Variants in ELK3 observed in about 807,000 individuals in gnomAD.
ELK3 encodes ETS domain-containing protein Elk-3.
In ELK3, 10 loss-of-function variants were observed where a neutral mutation model predicts 28.9. The ratio of observed to expected loss-of-function variants is 0.35; its 90% CI spans 0.21 to 0.59. ELK3 has a LOEUF of 0.59. Among genes scored for constraint, ELK3 ranks in the 20% least tolerant of loss-of-function variants. The probability of loss-of-function intolerance (pLI) is 0.82; values close to 1 mark genes in which losing one functional copy is unlikely to be tolerated. For synonymous variants in ELK3, 272 were observed against 243.5 expected (o/e 1.12, Z -1.09); for missense variants, 463 against 517.3 (o/e 0.90, Z 1.02).
chr12:96,248,028 A>G (rs1951872788), intron 3 of ELK3, among the ~76,000 whole-genome samples: 1 of 152,210 alleles, frequency 6.6e-6, no homozygotes, highest in Non-Finnish European at 1.5e-5. Context: ...AGATCTCACC[A>G]GCGATTTCCA....
chr12:96,196,864 T>G (rs959057761), intron 1 of ELK3, among the ~76,000 whole-genome samples: 3 of 151,932 alleles, frequency 2.0e-5, no homozygotes, highest in Non-Finnish European at 4.4e-5. Flanking sequence ...AAAGACATGT[T>G]GCTTTTAAGG....
In ELK3 at chr12:96,223,654, G is replaced by A. The variant is rs376285118; in HGVS notation, c.88G>A (p.Asp30Asn). 1.6e-4 allele frequency: 262 copies of A among 1,614,030 alleles called. No homozygotes were observed. Among genetic ancestry groups the A allele is most frequent in the Non-Finnish European group, 2.1e-4 (252 of 1,180,042 alleles). ...GCATTTGATCTGCTGGACCTCGAAC[G>A]ATGGTGAATTCAAGCTCCTCAAAGC... ...HEHLICWTSN[D>N]GEFKLLKAEE... is the part of the protein sequence containing the mutation. The change falls in exon 2 of 5, where the codon GAT becomes AAT. Residue 30 changes from aspartate (D) to asparagine (N), a missense_variant. Around this residue, in one of 2 missense-constraint regions of ELK3, gnomAD observed 55 missense variants for 102.5 expected, o/e 0.54. Coordinates refer to ENST00000228741, the MANE Select transcript of ELK3 (RefSeq NM_005230.4).
At chr12:96,254,612 A>G (rs1225501588) in intron 3 of ELK3, among the ~76,000 whole-genome samples, 2 of 152,144 alleles carry the variant, frequency 1.3e-5, no homozygotes, top group Non-Finnish European at 2.9e-5. Flanking sequence ...AGTGCCCATC[A>G]TGTGAAAGCT....
rs1388507108 is a variant in ELK3, at chr12:96,206,098, C to T, written c.-3+11393C>T. 2.6e-5 allele frequency among the ~76,000 whole-genome samples: 4 copies of T among 152,250 alleles called. No individual in the cohort carries two copies. In the South Asian group the frequency reaches 6.2e-4, roughly 24 times the overall value. On this transcript the variant is annotated intron_variant, in intron 1 of 4. Coordinates refer to ENST00000228741, the MANE Select transcript of ELK3 (RefSeq NM_005230.4). ...CTCGTTGCCCTGCTTTGATTTCAATCAGAGCTGAACCACAAGAACAGCATC... is the reference window on the plus strand; with the variant it reads ...CTCGTTGCCCTGCTTTGATTTCAATTAGAGCTGAACCACAAGAACAGCATC...
At chr12:96,198,101 CA>C (rs1565775246) in intron 1 of ELK3, 1 of 152,124 alleles carries the variant, frequency 6.6e-6, no homozygotes, top group Admixed American at 6.6e-5. Context: ...GAAAACTATC[CA>C]AGAATGTGAC....
chr12:96,259,228 T>C (rs1315378425), intron 3 of ELK3, among the ~76,000 whole-genome samples: 1 of 152,180 alleles, frequency 6.6e-6, no homozygotes, highest in Non-Finnish European at 1.5e-5. Context: ...TTTTCCTTTA[T>C]GAAAAAAGTG....
chr12:96,245,725 C>A (rs569531893), intron 2 of ELK3, among the ~76,000 whole-genome samples: 5 of 152,152 alleles, frequency 3.3e-5, no homozygotes. Flanking sequence ...GGGCAAGGCA[C>A]ACGCAAGCAT....
chr12:96,228,141 C>T (rs556989850), intron 2 of ELK3, among the ~76,000 whole-genome samples: 56 of 151,932 alleles, frequency 3.7e-4, no homozygotes, highest in African/African-American at 1.3e-3. Flanking sequence ...AAGAAGAGGC[C>T]GAGCATGGTG....
chr12:96,229,912 G>A (rs891607480), intron 2 of ELK3, among the ~76,000 whole-genome samples: 10 of 152,048 alleles, frequency 6.6e-5, no homozygotes, highest in Admixed American at 2.6e-4. Context: ...ACTTGGTTAC[G>A]TCTGTAAAGA....
intron 1 of ELK3, among the ~76,000 whole-genome samples, chr12:96,206,075 C>T (rs1363935739): frequency 3.3e-5 from 5 of 152,140 alleles, no homozygotes; most frequent in Non-Finnish European, 4.4e-5. Flanking sequence ...CAAATAAGCT[C>T]GTTGCCCTGC....
intron 2 of ELK3, among the ~76,000 whole-genome samples, chr12:96,233,479 G>A (rs569483011): frequency 3.9e-4 from 59 of 152,258 alleles, no homozygotes; most frequent in Non-Finnish European, 6.5e-4. Context: ...TTACTTAATT[G>A]GAAGGGATTT....
chr12:96,266,254 G>A (rs75687678), intron 4 of ELK3, among the ~76,000 whole-genome samples: 1,623 of 152,242 alleles, frequency 0.011, 24 homozygotes, highest in African/African-American at 0.035. Flanking sequence ...GATATTTGGC[G>A]CTGAAGTTTA....
intron 4 of ELK3, among the ~76,000 whole-genome samples, chr12:96,262,781 A>G (rs1440235467): frequency 1.3e-5 from 2 of 151,978 alleles, no homozygotes; most frequent in Admixed American, 1.3e-4. Context: ...CAGAATTCAG[A>G]TTACTATCAG....
In ELK3 at chr12:96,267,943, GA is replaced by G. The variant is rs1430950717; in HGVS notation, c.*764del. 1 of 152,298 alleles carries G rather than the reference GA, an allele frequency of 6.6e-6. No homozygotes were observed. Among genetic ancestry groups the G allele is most frequent in the Non-Finnish European group, 1.5e-5 (1 of 68,014 alleles). The allele number at this position is 152,298 out of a possible 1,614,324, so 9.4% of individuals were successfully genotyped here. A position where few individuals can be genotyped will look rare whatever the true frequency, so the allele number is the denominator to read the frequency against. On this transcript the variant is annotated 3_prime_UTR_variant, in exon 5 of 5. Coordinates refer to ENST00000228741, the MANE Select transcript of ELK3 (RefSeq NM_005230.4). ...AGATGCCTCCCAGACAAAAATCTGA[GA>G]TGGAAAAGCTACATCAAGTTCATGC...
rs143908265 is a variant in ELK3 at position 96,211,239 on chromosome 12, G to A, written c.-2-12326G>A. 1.4e-3 allele frequency among the ~76,000 whole-genome samples: 207 copies of A among 152,302 alleles called. 1 individual carries two copies. The East Asian group carries it at 0.032, about 24-fold the overall frequency. ...GTAATGGATTTCTTTAGGTATGGGC[G>A]CTGTTCTTCAGAATTCCATGGGATC... On this transcript the variant is annotated intron_variant, in intron 1 of 4. Transcript: ENST00000228741.
At chr12:96,242,448 C>T (rs564773153) in intron 2 of ELK3, among the ~76,000 whole-genome samples, 1 of 152,336 alleles carries the variant, frequency 6.6e-6, no homozygotes, top group African/African-American at 2.4e-5. Flanking sequence ...ACAAATAATA[C>T]GTGCTCAGCA....
chr12:96,218,688 A>G (rs897823851), intron 1 of ELK3, among the ~76,000 whole-genome samples: 66 of 144,742 alleles, frequency 4.6e-4, no homozygotes, highest in Non-Finnish European at 7.3e-4. Flanking sequence ...TCGCTCTGTC[A>G]CCTAGGCTGG....
At chr12:96,261,350 A>C (rs900580110) in intron 4 of ELK3, among the ~76,000 whole-genome samples, 1 of 152,114 alleles carries the variant, frequency 6.6e-6, no homozygotes, top group Non-Finnish European at 1.5e-5. Context: ...GATTTTTAAC[A>C]ATTTCAGCTT....
At chr12:96,260,946 TC>T (rs1390700219) in intron 4 of ELK3, among the ~76,000 whole-genome samples, 1 of 152,202 alleles carries the variant, frequency 6.6e-6, no homozygotes, top group Non-Finnish European at 1.5e-5. Flanking sequence ...CAGAATGGAA[TC>T]CTGTTCACTG....
Sources: gnomAD v4.1 joint callset for allele counts (sites outside exome capture counted in the v4.1 genomes callset) on GRCh38, gnomAD v4.1.1 for gene constraint, gnomAD v4.1.1 regional missense constraint, MANE v1.5 for transcripts, NCBI Gene and HGNC (gene_info 2026-07-23, HGNC 2026-07-21) for gene names.